The following SBNO2 variants were observed in gnomAD, a reference collection of about 807,000 sequenced individuals.
SBNO2 encodes the protein protein strawberry notch homolog 2.
SBNO2 carries 89 observed loss-of-function variants against 146.3 expected under a neutral mutation model. The observed-to-expected ratio is 0.61, with a 90% CI of 0.51 to 0.73. The LOEUF (loss-of-function observed/expected upper bound fraction) is 0.73. Among genes scored for constraint, SBNO2 ranks in the 30% least tolerant of loss-of-function variants. SBNO2 has a pLI of 0.00. For missense variants in SBNO2, 2,092 were observed against 2,003.7 expected, an observed-to-expected ratio of 1.04 and a Z score of -0.84; for synonymous variants, 1,147 against 892.6, an observed-to-expected ratio of 1.29 and a Z score of -5.08.
At chr19:1,118,640 G>A (rs1006250598) in intron 14 of SBNO2, among the ~76,000 whole-genome samples, 1 of 152,188 alleles carries the variant, frequency 6.6e-6, no homozygotes, top group Admixed American at 6.5e-5. Flanking sequence ...AGGCCGAGGC[G>A]GGCAGATCAC....
rs556889622 is a variant in SBNO2 at position 1,172,785 on chromosome 19, C to G, written c.-127+1387G>C. Among the ~76,000 whole-genome samples, 7 of 92,268 alleles carry G rather than the reference C, an allele frequency of 7.6e-5. 1 individual carries two copies. Among genetic ancestry groups the G allele is most frequent in the Non-Finnish European group, 1.3e-4 (6 of 44,752 alleles). The allele number at this position is 92,268 out of a possible 152,430, so 60.5% of individuals were successfully genotyped here. A position where few individuals can be genotyped will look rare whatever the true frequency, so the allele number is the denominator to read the frequency against. On this transcript the variant is annotated intron_variant, in intron 1 of 31. Coordinates refer to ENST00000361757, the MANE Select transcript of SBNO2 (RefSeq NM_014963.3). ...AAAACACTCACTGCAACCGCCCCCC[C>G]CGCCCCGGCAAACTGGCAGCCAGCA... is the stretch of plus-strand genomic sequence containing the variant.
At position 1,158,733 on chromosome 19, in the gene SBNO2, C is replaced by T. The variant is rs1251318115; in HGVS notation, c.-126-4331G>A. Among the ~76,000 whole-genome samples the T allele has an allele frequency of 1.3e-5, 2 of 152,180 alleles. No homozygotes were observed. Among genetic ancestry groups the T allele is most frequent in the African/African-American group, 2.4e-5 (1 of 41,442 alleles). On this transcript the variant is annotated intron_variant, in intron 1 of 31. Transcript: ENST00000361757. This position sits in a 1 kb window ranked among gnomAD's most constrained non-coding sequence, Gnocchi z 9.9. ...TCAGCCGAGGTTCTCCGGGCAGGCA[C>T]AAGGCGCTCCCTGCGTCCCAGGACC...
In SBNO2 at chr19:1,131,429, CTGGCTGGG is replaced by C. The variant is rs1450884067; in HGVS notation, c.280-3672_280-3665del. On this transcript the variant is annotated intron_variant, in intron 4 of 31. Transcript: ENST00000361757. ...GGCTGAGGTGGGGAGCTGGGAGGAC[CTGGCTGGG>C]AGGACCTGGCTCTGCCCGCTTCAAA... Among the ~76,000 whole-genome samples the C allele has an allele frequency of 1.4e-4, 9 of 63,478 alleles. No homozygotes were observed. In the Admixed American group the frequency reaches 1.6e-3, roughly 11 times the overall value. 41.6% of individuals were successfully genotyped at this position (63,478 alleles called of 152,430 possible).
chr19:1,116,187 G>A lies in SBNO2; in HGVS notation c.1803-84C>T, dbSNP rs181245288. 1.2e-3 allele frequency: 1,452 copies of A among 1,257,904 alleles called. 15 individuals carry two copies. The African/African-American group carries it at 0.019, about 17-fold the overall frequency. 77.9% of individuals were successfully genotyped at this position (1,257,904 alleles called of 1,614,324 possible). On this transcript the variant is annotated intron_variant, in intron 16 of 31. Coordinates refer to ENST00000361757, the MANE Select transcript of SBNO2 (RefSeq NM_014963.3). Reference sequence around the variant, plus strand: ...TCTCCAGGAGCTGGACGCACCCCTGGGTCCCTGTGGGGGTCCCGGACAGGA... The same window carrying A: ...TCTCCAGGAGCTGGACGCACCCCTGAGTCCCTGTGGGGGTCCCGGACAGGA...
At chr19:1,132,286 C>A (rs535956341) in intron 4 of SBNO2, 217 of 1,309,986 alleles carry the variant, frequency 1.7e-4, no homozygotes, top group Non-Finnish European at 1.9e-4. Context: ...GTTTAGTCAC[C>A]GCCGCCGGCG....
At chr19:1,123,071 G>A (rs750738375) in intron 7 of SBNO2, 26 bp from the exon 8 acceptor site, 79 of 1,585,824 alleles carry the variant, frequency 5.0e-5, no homozygotes, top group Admixed American at 1.4e-4. Flanking sequence ...CGGAGGGCAA[G>A]GTAAAGGGTA....
rs1162637370 is a variant in SBNO2 at position 1,144,997 on chromosome 19, T to A, written c.279+2312A>T. 8.6e-6 allele frequency among the ~76,000 whole-genome samples: 1 copy of A among 116,764 alleles called. No homozygotes were observed. The highest frequency in any genetic ancestry group is 1.7e-5 in the Non-Finnish European group (1 of 57,808). 76.6% of individuals were successfully genotyped at this position (116,764 alleles called of 152,430 possible). Reference sequence around the variant, plus strand: ...AGAGACTGAGAGGGAGACAGAGAGATGGAGCATAGAGGGAGACAGAGACAG... The same window carrying A: ...AGAGACTGAGAGGGAGACAGAGAGAAGGAGCATAGAGGGAGACAGAGACAG... On this transcript the variant is annotated intron_variant, in intron 4 of 31. Transcript: ENST00000361757. This position sits in a 1 kb window ranked among gnomAD's most constrained non-coding sequence, Gnocchi z 4.1.
In SBNO2 at chr19:1,158,021, G is replaced by GC. The variant is rs2080308850; in HGVS notation, c.-126-3620dup. Among the ~76,000 whole-genome samples, 1 of 151,674 alleles carries GC rather than the reference G, an allele frequency of 6.6e-6. No homozygotes were observed. The highest frequency in any genetic ancestry group is 2.1e-4 in the South Asian group (1 of 4,790). ...AGCTCTCTCCTGAGTCTGGGTAACT[G>GC]CATCTGCCTCCCGTCTCTCTCTCCT... On this transcript the variant is annotated intron_variant, in intron 1 of 31. Coordinates refer to ENST00000361757, the MANE Select transcript of SBNO2 (RefSeq NM_014963.3). This position sits in a 1 kb window ranked among gnomAD's most constrained non-coding sequence, Gnocchi z 9.9.
At chr19:1,120,377 G>T (rs1009205747) in intron 11 of SBNO2, among the ~76,000 whole-genome samples, 1 of 152,108 alleles carries the variant, frequency 6.6e-6, no homozygotes, top group Non-Finnish European at 1.5e-5. Flanking sequence ...TTTTTTGTTT[G>T]TTTTTTTGAG....
chr19:1,122,834 C>A, intron 8 of SBNO2, 43 bp from the exon 9 acceptor site: 1 of 1,537,436 alleles, frequency 6.5e-7, no homozygotes, highest in Non-Finnish European at 8.7e-7. Context: ...GGTGCTGGCC[C>A]GGCCCCTCCC....
intron 4 of SBNO2, among the ~76,000 whole-genome samples, chr19:1,142,374 G>A (rs78079616): frequency 0.01 from 1,527 of 152,016 alleles, 26 homozygotes; most frequent in African/African-American, 0.035. Flanking sequence ...GGCACTGCCC[G>A]GGTCCACGGC....
intron 12 of SBNO2, 97 bp from the exon 13 acceptor site, chr19:1,119,718 C>T (rs1034506354): frequency 1.3e-5 from 15 of 1,140,342 alleles, no homozygotes; most frequent in African/African-American, 3.1e-5. Context: ...AGGGGCCCTG[C>T]GGGGTTGGAG....
chr19:1,118,161 G>A (rs2079855508), intron 14 of SBNO2, among the ~76,000 whole-genome samples: 1 of 152,140 alleles, frequency 6.6e-6, no homozygotes, highest in Non-Finnish European at 1.5e-5. Flanking sequence ...CCAACATGGA[G>A]AAATCCTGTC....
At chr19:1,134,427 T>G (rs2145263095) in intron 4 of SBNO2, among the ~76,000 whole-genome samples, 1 of 149,248 alleles carries the variant, frequency 6.7e-6, no homozygotes, top group East Asian at 1.9e-4. Context: ...GCCAGCACAG[T>G]GAGGCCGTCC....
intron 4 of SBNO2, among the ~76,000 whole-genome samples, chr19:1,143,045 G>C (rs1309118162): frequency 6.6e-6 from 1 of 152,160 alleles, no homozygotes; most frequent in Non-Finnish European, 1.5e-5. Context: ...CCAGGAACAG[G>C]TTCTCCCTAC....
chr19:1,132,469 C>T (rs1045402697), intron 4 of SBNO2, among the ~76,000 whole-genome samples: 17 of 152,338 alleles, frequency 1.1e-4, no homozygotes, highest in African/African-American at 3.8e-4. Context: ...TTTGGGGCAC[C>T]CGGCGGACGT....
At chr19:1,118,983 G>A (rs759746717) in intron 14 of SBNO2, 28 bp downstream of exon 14, 3 of 1,561,776 alleles carry the variant, frequency 1.9e-6, no homozygotes, top group Admixed American at 3.6e-5. Flanking sequence ...AACGCACAGG[G>A]GTCCCCGGGT....
intron 4 of SBNO2, among the ~76,000 whole-genome samples, chr19:1,131,397 AGCCCTGG>A (rs1344251801): frequency 6.6e-6 from 1 of 152,024 alleles, no homozygotes; most frequent in Non-Finnish European, 1.5e-5. Context: ...GCATTTCAGG[AGCCCTGG>A]GCTGAGGTGG....
At chr19:1,127,483 C>T (rs1033441767) in intron 5 of SBNO2, 121 bp downstream of exon 5, 3 of 953,898 alleles carry the variant, frequency 3.1e-6, no homozygotes, top group African/African-American at 3.2e-5. Flanking sequence ...CCGACAGTGA[C>T]AGGCACAGCC....
Sources: allele counts gnomAD v4.1 joint callset (sites outside exome capture counted in the v4.1 genomes callset), GRCh38; gene constraint gnomAD v4.1.1; non-coding constraint Gnocchi (gnomAD v3.1); transcripts MANE v1.5; gene names NCBI Gene and HGNC (gene_info 2026-07-23, HGNC 2026-07-21).